ATP10B: variants seen among roughly 807,000 people sequenced by gnomAD.
The protein encoded by ATP10B is phospholipid-transporting ATPase VB.
Under a neutral mutation model 141.2 loss-of-function variants are expected in ATP10B, and 122 were observed. That is an observed-to-expected ratio of 0.86 (90% CI 0.75 to 1.00). The LOEUF (loss-of-function observed/expected upper bound fraction) is 1.00. ATP10B is among the 50% of genes least tolerant of loss of function. The pLI, the probability that ATP10B is intolerant of heterozygous loss-of-function variation, is 0.00. For missense variants in ATP10B, 1,876 were observed against 1,825.3 expected, an observed-to-expected ratio of 1.03 and a Z score of -0.51; for synonymous variants, 685 against 692.0, an observed-to-expected ratio of 0.99 and a Z score of 0.16.
chr5:160,886,296 A>G, the ATP10B span, among the ~76,000 whole-genome samples: 4 of 152,204 alleles, frequency 2.6e-5, no homozygotes, highest in African/African-American at 9.6e-5. Flanking sequence ...GGTGGAGATC[A>G]AGAAAGGAAC....
At chr5:160,915,451 C>A in the ATP10B span, among the ~76,000 whole-genome samples, 3 of 152,020 alleles carry the variant, frequency 2.0e-5, no homozygotes, top group South Asian at 2.1e-4. Flanking sequence ...CCTGTCTCAG[C>A]CTCCTGAGTA....
chr5:160,682,097 C>T (rs542381751), intron 6 of ATP10B, among the ~76,000 whole-genome samples: 1 of 152,152 alleles, frequency 6.6e-6, no homozygotes, highest in Non-Finnish European at 1.5e-5. Context: ...CTATCTGGTC[C>T]CTGTAGCCAA....
rs767464886 is a variant in ATP10B, at chr5:160,598,897, T to G, written c.3437A>C (p.Gln1146Pro). ...AAAGAAGAGATTGAAGAATATCATC[T>G]GCCAGTAATCAATCATGGTGGAGCT... The part of the protein sequence containing the change: ...FSSSTMIDYW[Q>P]MIFFNLFFTS... The change falls in exon 22 of 26, where the codon CAG (glutamine) becomes CCG (proline). Residue 1146 changes from glutamine to proline, a missense_variant. Transcript: ENST00000327245. 6.2e-7 allele frequency: 1 copy of G among 1,614,210 alleles called. No individual in the cohort carries two copies. The highest frequency in any genetic ancestry group is 8.5e-7 in the Non-Finnish European group (1 of 1,180,028).
intron 13 of ATP10B, among the ~76,000 whole-genome samples, chr5:160,628,592 G>C (rs1400699037): frequency 6.6e-6 from 1 of 152,042 alleles, no homozygotes; most frequent in East Asian, 1.9e-4. Flanking sequence ...CTTCAGAAGG[G>C]TGGGGTGGCG....
chr5:160,661,857 T>A (rs886730192), intron 7 of ATP10B, among the ~76,000 whole-genome samples: 2 of 152,138 alleles, frequency 1.3e-5, no homozygotes, highest in African/African-American at 4.8e-5. Context: ...GAAGTCAAAT[T>A]GTCCCTGTTT....
rs922032718 is a variant in ATP10B, at chr5:160,564,896, T to G, written c.*557A>C. On this transcript the variant is annotated 3_prime_UTR_variant, in exon 26 of 26. Transcript: ENST00000327245. The stretch of plus-strand genomic sequence containing the variant: ...TTAGTAGTAGCTTTTTAGATGTGGC[T>G]TTTCTTTGGCTTACAGGCAAAAAGC... The G allele has an allele frequency of 2.0e-5, 3 of 152,926 alleles. No homozygotes were observed. Among genetic ancestry groups the G allele is most frequent in the Non-Finnish European group, 4.4e-5 (3 of 68,634 alleles). The allele number at this position is 152,926 out of a possible 1,614,324, so 9.5% of individuals were successfully genotyped here.
At chr5:160,738,124 T>A (rs894033529) in intron 2 of ATP10B, among the ~76,000 whole-genome samples, 1 of 152,072 alleles carries the variant, frequency 6.6e-6, no homozygotes, top group Admixed American at 6.5e-5. Flanking sequence ...TAAAAATTAA[T>A]AGCAATAAGG....
chr5:160,594,616 C>T (rs1436501825), intron 22 of ATP10B, among the ~76,000 whole-genome samples: 4 of 151,144 alleles, frequency 2.6e-5, no homozygotes, highest in Non-Finnish European at 4.4e-5. Context: ...GAGTCAAGAC[C>T]CATCAGTGTG....
the ATP10B span, among the ~76,000 whole-genome samples, chr5:160,879,527 AAAGT>A: frequency 7.0e-6 from 1 of 142,816 alleles, no homozygotes; most frequent in African/African-American, 2.5e-5. Flanking sequence ...CCTAAAACTT[AAAGT>A]AAAATTAAAA....
rs117605691 is a variant in ATP10B, at chr5:160,676,747, A to G, written c.471-6080T>C. Among the ~76,000 whole-genome samples, 148 of 152,322 alleles carry G rather than the reference A, an allele frequency of 9.7e-4. 2 individuals carry two copies. The East Asian group carries it at 0.016, about 17-fold the overall frequency. ...GGAGACTTCTAACAATGATATTTTA[A>G]ATTATTAGCTTACATGTATTGACTA... On this transcript the variant is annotated intron_variant, in intron 6 of 25. Coordinates refer to ENST00000327245, the MANE Select transcript of ATP10B (RefSeq NM_025153.3).
At chr5:160,831,770 A>T (rs10037365) in intron 1 of ATP10B, among the ~76,000 whole-genome samples, 3,948 of 152,250 alleles carry the variant, frequency 0.026, 188 homozygotes, top group African/African-American at 0.088. Context: ...AATTTATTTT[A>T]AAAAGAACAA....
At chr5:160,656,564 CA>C in intron 7 of ATP10B, among the ~76,000 whole-genome samples, 1 of 152,204 alleles carries the variant, frequency 6.6e-6, no homozygotes, top group Non-Finnish European at 1.5e-5. Context: ...TTCAGATTTC[CA>C]AAGGAATTAT....
intron 23 of ATP10B, among the ~76,000 whole-genome samples, chr5:160,589,917 T>C (rs969447971): frequency 1.3e-5 from 2 of 152,184 alleles, no homozygotes; most frequent in Non-Finnish European, 2.9e-5. Flanking sequence ...AAGATGGGGA[T>C]TGTGAAACCA....
intron 1 of ATP10B, among the ~76,000 whole-genome samples, chr5:160,830,970 AACAC>A (rs779765993): frequency 1.1e-3 from 81 of 70,658 alleles, no homozygotes; most frequent in African/African-American, 2.6e-3. Context: ...TACATACACA[AACAC>A]ACACACACAC....
chr5:160,823,815 C>T (rs1774360214), intron 1 of ATP10B, among the ~76,000 whole-genome samples: 1 of 152,066 alleles, frequency 6.6e-6, no homozygotes, highest in African/African-American at 2.4e-5. Flanking sequence ...GCCTGGGCGA[C>T]AGAGTGAGAC....
chr5:160,615,750 A>G, intron 17 of ATP10B, 88 bp downstream of exon 17: 1 of 1,527,528 alleles, frequency 6.5e-7, no homozygotes, highest in East Asian at 2.3e-5. Context: ...ATGGAGACAT[A>G]TTAGTAGTGT....
At chr5:160,805,101 T>C (rs1162194896) in intron 1 of ATP10B, among the ~76,000 whole-genome samples, 2 of 152,272 alleles carry the variant, frequency 1.3e-5, no homozygotes, top group African/African-American at 4.8e-5. Context: ...GTGTTTAGAA[T>C]AGTGCTTGGC....
rs1015646130 is a variant in ATP10B at position 160,785,330 on chromosome 5, T to C, written c.-331+229A>G. 5.3e-5 allele frequency among the ~76,000 whole-genome samples: 8 copies of C among 152,140 alleles called. No individual in the cohort carries two copies. In the East Asian group the frequency reaches 1.2e-3, roughly 22 times the overall value. ...TATGTTGTCTGGGGAATATATACAA[T>C]GGAGAAAGTTTAAACCATTTACTTG... On this transcript the variant is annotated intron_variant, in intron 2 of 25. Coordinates refer to ENST00000327245, the MANE Select transcript of ATP10B (RefSeq NM_025153.3).
chr5:160,927,300 G>A, the ATP10B span, among the ~76,000 whole-genome samples: 1 of 152,134 alleles, frequency 6.6e-6, no homozygotes, highest in African/African-American at 2.4e-5. Flanking sequence ...AAATTGTATT[G>A]GCATGACAAG....
Sources: allele counts gnomAD v4.1 joint callset (sites outside exome capture counted in the v4.1 genomes callset), GRCh38; gene constraint gnomAD v4.1.1; transcripts MANE v1.5; gene names NCBI Gene and HGNC (gene_info 2026-07-23, HGNC 2026-07-21).